The following RNF130 variants were observed in gnomAD, a reference collection of about 807,000 sequenced individuals.
RNF130 encodes ring finger protein 130, also known as E3 ubiquitin-protein ligase RNF130.
Under a neutral mutation model 44.6 loss-of-function variants are expected in RNF130, and 21 were observed. The observed-to-expected ratio is 0.47, with a 90% CI of 0.33 to 0.68. The LOEUF (loss-of-function observed/expected upper bound fraction) is 0.68, where lower values mean the gene tolerates loss of function less well. Ranked by LOEUF, RNF130 falls within the 30% of genes least tolerant of loss-of-function variation. The pLI is 0.02. For missense variants in RNF130, 479 were observed against 560.6 expected, an observed-to-expected ratio of 0.85 and a Z score of 1.47; for synonymous variants, 214 against 210.4, an observed-to-expected ratio of 1.02 and a Z score of -0.15.
At chr5:180,057,211 G>A (rs1332638786) in intron 1 of RNF130, among the ~76,000 whole-genome samples, 1 of 152,200 alleles carries the variant, frequency 6.6e-6, no homozygotes, top group African/African-American at 2.4e-5. Flanking sequence ...GGGGCAAGGG[G>A]CTAAAGGTTG....
At chr5:180,042,547 ACTAT>A (rs1394533880) in intron 1 of RNF130, among the ~76,000 whole-genome samples, 1 of 152,220 alleles carries the variant, frequency 6.6e-6, no homozygotes, top group African/African-American at 2.4e-5. Context: ...TACTTTCATC[ACTAT>A]CTGTTTCACC....
chr5:180,066,237 T>A (rs185720083), intron 1 of RNF130, among the ~76,000 whole-genome samples: 1 of 152,294 alleles, frequency 6.6e-6, no homozygotes, highest in East Asian at 1.9e-4. Flanking sequence ...AGTGAATAAG[T>A]CTCACCAGAT....
rs952864737 is a variant in RNF130, at chr5:179,922,629, A to C, written c.1151-2203T>G. On this transcript the variant is annotated intron_variant, in intron 7 of 7. Transcript: ENST00000522208. Reference sequence around the variant, plus strand: ...CGGCTTGGGCTGTCTTCGTGTTATCAAGTATGAGGGTTTAAAAAAAATTCT... The same window carrying C: ...CGGCTTGGGCTGTCTTCGTGTTATCCAGTATGAGGGTTTAAAAAAAATTCT... 2.0e-5 allele frequency among the ~76,000 whole-genome samples: 3 copies of C among 151,550 alleles called. No homozygotes were observed. In the East Asian group the frequency reaches 5.9e-4, roughly 30 times the overall value.
Position 180,046,033 on chromosome 5 carries a change from C to T in RNF130, c.248-5386G>A, listed in dbSNP as rs546067563. On this transcript the variant is annotated intron_variant, in intron 1 of 8. Transcript: ENST00000521389. The stretch of plus-strand genomic sequence containing the variant: ...GCGCTCGCCGGGGAGGCTCCAGTGG[C>T]GTGGACGGAGGGGGGTGGGGCTCGG... 1.8e-4 allele frequency among the ~76,000 whole-genome samples: 27 copies of T among 152,262 alleles called. No individual in the cohort carries two copies. The East Asian group carries it at 4.3e-3, about 24-fold the overall frequency.
At chr5:179,917,356 G>A (rs1761566451) in exon 8 of RNF130, 1 of 152,450 alleles carries the variant, frequency 6.6e-6, no homozygotes, top group South Asian at 2.1e-4. Flanking sequence ...GTCCACTGGA[G>A]GCAGGGGGGT....
rs572727207 is a variant in RNF130, at chr5:179,969,277, G to A, written c.945+1133C>T. On this transcript the variant is annotated intron_variant, in intron 6 of 8. Transcript: ENST00000521389. ...ACCTGCCACAGCTGGACTCTGGCAC[G>A]CCTGGCGACAGCCCCTGCCAGGCTG... Among the ~76,000 whole-genome samples, 29 of 152,036 alleles carry A rather than the reference G, an allele frequency of 1.9e-4. No individual in the cohort carries two copies. In the East Asian group the frequency reaches 3.7e-3, roughly 19 times the overall value.
intron 7 of RNF130, among the ~76,000 whole-genome samples, chr5:179,936,980 G>A (rs1761898050): frequency 6.6e-6 from 1 of 152,164 alleles, no homozygotes. Context: ...ATACCTAAAT[G>A]TGAGTTCTAA....
Position 179,949,290 on chromosome 5 carries a change from G to C in RNF130, c.1150+17516C>G, listed in dbSNP as rs547153785. Reference sequence around the variant, plus strand: ...CAATTTTTTTTTTTTTTTAAGACAAGGTCTTGCTGTGATGCCCAGGCTGGA... The same window carrying C: ...CAATTTTTTTTTTTTTTTAAGACAACGTCTTGCTGTGATGCCCAGGCTGGA... On this transcript the variant is annotated intron_variant, in intron 7 of 7. Transcript: ENST00000522208. Among the ~76,000 whole-genome samples the C allele has an allele frequency of 3.7e-4, 56 of 150,460 alleles. 1 individual carries two copies. Among genetic ancestry groups the C allele is most frequent in the African/African-American group, 1.4e-3 (56 of 40,960 alleles).
chr5:180,001,766 C>T (rs559868840), intron 3 of RNF130, among the ~76,000 whole-genome samples: 148 of 152,000 alleles, frequency 9.7e-4, no homozygotes, highest in Non-Finnish European at 1.8e-3. Flanking sequence ...TTGTGTGGAC[C>T]CAGCATGGGA....
chr5:180,012,457 C>T (rs891473761), intron 3 of RNF130, among the ~76,000 whole-genome samples: 35 of 152,064 alleles, frequency 2.3e-4, no homozygotes, highest in African/African-American at 8.2e-4. Context: ...ATCTCCAGGC[C>T]CTCACACCGG....
At chr5:180,037,982 T>TA (rs1325256085) in intron 2 of RNF130, among the ~76,000 whole-genome samples, 1 of 152,212 alleles carries the variant, frequency 6.6e-6, no homozygotes, top group Non-Finnish European at 1.5e-5. Context: ...TCATCTGTGA[T>TA]AAAAAGAGTT....
At chr5:180,031,214 C>T (rs1234336171) in intron 2 of RNF130, among the ~76,000 whole-genome samples, 2 of 152,062 alleles carry the variant, frequency 1.3e-5, no homozygotes, top group Non-Finnish European at 2.9e-5. Context: ...GGGCTGGGCA[C>T]GGTGGCTCAC....
intron 1 of RNF130, among the ~76,000 whole-genome samples, chr5:180,043,380 T>C (rs2066631710): frequency 6.6e-6 from 1 of 152,098 alleles, no homozygotes. Flanking sequence ...CTCTTTCCCT[T>C]TGTTTGTTTC....
chr5:179,994,587 AG>A (rs1763160928), intron 3 of RNF130, among the ~76,000 whole-genome samples: 1 of 152,108 alleles, frequency 6.6e-6, no homozygotes, highest in Non-Finnish European at 1.5e-5. Flanking sequence ...CAAATATTCT[AG>A]GATTTCCTTG....
At chr5:180,067,453 T>G (rs1023961198) in intron 1 of RNF130, among the ~76,000 whole-genome samples, 9 of 152,156 alleles carry the variant, frequency 5.9e-5, no homozygotes, top group African/African-American at 2.2e-4. Flanking sequence ...TAAATGTAGA[T>G]AACGTTTAGA....
intron 2 of RNF130, among the ~76,000 whole-genome samples, chr5:180,022,154 A>C (rs187199962): frequency 1.3e-5 from 2 of 152,250 alleles, no homozygotes; most frequent in East Asian, 3.9e-4. Context: ...TTACTAGTAA[A>C]GTTCACTTTG....
At chr5:179,971,876 CA>C (rs1561674865) in intron 5 of RNF130, among the ~76,000 whole-genome samples, 5 of 152,208 alleles carry the variant, frequency 3.3e-5, no homozygotes, top group Non-Finnish European at 7.3e-5. Flanking sequence ...AATATACACA[CA>C]CGTCTGCCTA....
At chr5:180,068,189 AC>A (rs1183863959) in intron 1 of RNF130, among the ~76,000 whole-genome samples, 4 of 152,224 alleles carry the variant, frequency 2.6e-5, no homozygotes, top group Non-Finnish European at 5.9e-5. Flanking sequence ...CTGGGGCCAA[AC>A]AAAAAGTTAG....
In RNF130 at chr5:179,971,039, T is replaced by A. The variant is rs749647193; in HGVS notation, c.849-533A>T. Among the ~76,000 whole-genome samples, 7 of 152,230 alleles carry A rather than the reference T, an allele frequency of 4.6e-5. No individual in the cohort carries two copies. In the East Asian group the frequency reaches 1.3e-3, roughly 29 times the overall value. On this transcript the variant is annotated intron_variant, in intron 5 of 8. Transcript: ENST00000521389. Reference sequence around the variant, plus strand: ...GCTGAAACTATTTTAAGGGGTAAACTGTGCCTAGATTCAAGTAACACTCAG... The same window carrying A: ...GCTGAAACTATTTTAAGGGGTAAACAGTGCCTAGATTCAAGTAACACTCAG...
Sources: gnomAD v4.1 joint callset for allele counts (sites outside exome capture counted in the v4.1 genomes callset) on GRCh38, gnomAD v4.1.1 for gene constraint, MANE v1.5 for transcripts, NCBI Gene and HGNC (gene_info 2026-07-23, HGNC 2026-07-21) for gene names.